Variants in RAB9A observed in about 807,000 individuals in gnomAD.
The protein encoded by RAB9A is ras-related protein Rab-9A.
Under a neutral mutation model 10.3 loss-of-function variants are expected in RAB9A, and 1 was observed. The observed-to-expected ratio is 0.10, with a 90% CI of 0.03 to 0.46. RAB9A has a LOEUF of 0.46. RAB9A is among the 20% of genes least tolerant of loss of function. RAB9A has a pLI of 0.96. For synonymous variants in RAB9A, 39 were observed against 55.2 expected, an observed-to-expected ratio of 0.71 and a Z score of 1.30; for missense variants, 92 against 150.3, an observed-to-expected ratio of 0.61 and a Z score of 2.03.
intron 1 of RAB9A, among the ~76,000 whole-genome samples, chrX:13,693,090 G>A (rs1665277249): frequency 1.8e-5 from 2 of 112,335 alleles, no homozygotes; most frequent in Admixed American, 1.9e-4. Flanking sequence ...AAATGAGATG[G>A]CTGTGCTTCA....
At chrX:13,695,627 A>T (rs2046144299) in intron 1 of RAB9A, among the ~76,000 whole-genome samples, 1 of 112,068 alleles carries the variant, frequency 8.9e-6, no homozygotes, top group Non-Finnish European at 1.9e-5. Context: ...GAGAAAAGAA[A>T]GAGATTTTCG....
intron 1 of RAB9A, among the ~76,000 whole-genome samples, chrX:13,696,327 T>C (rs1202307630): frequency 1.8e-5 from 2 of 108,502 alleles, no homozygotes; most frequent in Non-Finnish European, 3.8e-5. Context: ...GAGGCTGAAA[T>C]GGGAGGATCA....
chrX:13,690,095 A>T (rs1283347603), intron 1 of RAB9A, among the ~76,000 whole-genome samples: 1 of 110,756 alleles, frequency 9.0e-6, no homozygotes, highest in Non-Finnish European at 1.9e-5. Flanking sequence ...TCCTGATAAA[A>T]ATCAATGGGC....
intron 1 of RAB9A, among the ~76,000 whole-genome samples, chrX:13,700,156 C>T (rs908412633): frequency 9.0e-6 from 1 of 111,569 alleles, no homozygotes; most frequent in African/African-American, 3.3e-5. Flanking sequence ...ACCATGTTGC[C>T]CAGGCTGGTT....
rs982129836 is a variant in RAB9A at position 13,689,738 on chromosome X, G to A, written c.-116+450G>A. 4.5e-5 allele frequency among the ~76,000 whole-genome samples: 5 copies of A among 111,594 alleles called. No individual in the cohort carries two copies. In the East Asian group the frequency reaches 1.1e-3, roughly 25 times the overall value. The stretch of plus-strand genomic sequence containing the variant: ...TGACTTGATTTTGGCGACCTCTGAA[G>A]TTCCACCTAGCAGAACGTGTTTGCT... On this transcript the variant is annotated intron_variant, in intron 1 of 2. Transcript: ENST00000464506.
At chrX:13,690,656 G>T (rs1224407152) in intron 1 of RAB9A, among the ~76,000 whole-genome samples, 1 of 111,715 alleles carries the variant, frequency 9.0e-6, no homozygotes, top group Non-Finnish European at 1.9e-5. Flanking sequence ...GTACTCTGGA[G>T]GCCTAAAGAG....
At chrX:13,706,183 A>G (rs942904607) in intron 2 of RAB9A, among the ~76,000 whole-genome samples, 1 of 112,191 alleles carries the variant, frequency 8.9e-6, no homozygotes, top group Non-Finnish European at 1.9e-5. Flanking sequence ...GAATTAAAGC[A>G]GCCAATTTAG....
At chrX:13,698,181 CTTTTTTTTCT>C (rs1220879308) in intron 1 of RAB9A, among the ~76,000 whole-genome samples, 21 of 76,777 alleles carry the variant, frequency 2.7e-4, no homozygotes, top group Admixed American at 1.9e-3. Flanking sequence ...TCTTCTTTTT[CTTTTTTTTCT>C]TTTTTTTTTT....
At chrX:13,703,651 G>C (rs772653771) in intron 1 of RAB9A, 163 bp from the exon 2 acceptor site, 1 of 111,705 alleles carries the variant, frequency 9.0e-6, no homozygotes, top group African/African-American at 3.3e-5. Context: ...CATTGAATTT[G>C]ATCTGTAGGA....
intron 1 of RAB9A, among the ~76,000 whole-genome samples, chrX:13,702,633 G>T (rs2046179390): frequency 1.8e-5 from 2 of 112,078 alleles, no homozygotes; most frequent in Non-Finnish European, 3.8e-5. Context: ...TAGTGGCATG[G>T]GGAATCTGAG....
At chrX:13,707,559 G>C (rs2046203363) in intron 2 of RAB9A, among the ~76,000 whole-genome samples, 2 of 111,931 alleles carry the variant, frequency 1.8e-5, no homozygotes, top group Non-Finnish European at 3.8e-5. Context: ...ACGGGCATCT[G>C]AAATCTCACC....
intron 2 of RAB9A, among the ~76,000 whole-genome samples, chrX:13,708,173 AAT>A (rs1236754581): frequency 1.8e-5 from 2 of 110,323 alleles, no homozygotes; most frequent in African/African-American, 6.6e-5. Context: ...AAAATAGAAA[AAT>A]TAGCAAGGCA....
chrX:13,703,324 G>A (rs1477982318), intron 1 of RAB9A, among the ~76,000 whole-genome samples: 1 of 112,027 alleles, frequency 8.9e-6, no homozygotes, highest in Non-Finnish European at 1.9e-5. Context: ...ACCTCTCTGA[G>A]TCAGTATCGT....
chrX:13,708,921 C>A lies in RAB9A; in HGVS notation c.175C>A (p.Gln59Lys). The A allele has an allele frequency of 8.3e-7, 1 of 1,211,247 alleles. No individual in the cohort carries two copies. The highest frequency in any genetic ancestry group is 1.1e-6 in the Non-Finnish European group (1 of 895,228). ...LEVDGHFVTM[Q>K]IWDTAGQERF... The stretch of plus-strand genomic sequence containing the variant: ...AGTGGATGGACATTTTGTTACCATG[C>A]AGATTTGGGACACGGCAGGTCAGGA... Residue 59 changes from glutamine (Q) to lysine (K), a missense_variant, in exon 3 of 3, where the codon CAG becomes AAG. By Grantham distance (53) the Gln-to-Lys change is moderately conservative. Transcript: ENST00000464506.
intron 1 of RAB9A, among the ~76,000 whole-genome samples, chrX:13,689,830 T>C (rs1387791401): frequency 2.7e-5 from 3 of 111,964 alleles, no homozygotes; most frequent in Non-Finnish European, 5.6e-5. Context: ...CTGCAGGCGT[T>C]TTGGGGGCAT....
intron 1 of RAB9A, among the ~76,000 whole-genome samples, chrX:13,698,810 A>G (rs1354791937): frequency 9.0e-6 from 1 of 111,444 alleles, no homozygotes; most frequent in Non-Finnish European, 1.9e-5. Flanking sequence ...ATACAGCTCC[A>G]GCAAAAATAG....
At chrX:13,700,029 A>G (rs888272071) in intron 1 of RAB9A, among the ~76,000 whole-genome samples, 3 of 110,783 alleles carry the variant, frequency 2.7e-5, no homozygotes, top group Non-Finnish European at 5.7e-5. Flanking sequence ...ATCTCGGCTC[A>G]CTGCAACCTC....
At chrX:13,705,900 G>C (rs907726692) in intron 2 of RAB9A, among the ~76,000 whole-genome samples, 14 of 111,056 alleles carry the variant, frequency 1.3e-4, no homozygotes, top group African/African-American at 4.6e-4. Flanking sequence ...GGTGTGCTGA[G>C]TGAGTGGAAT....
At chrX:13,695,588 T>C (rs139629887) in intron 1 of RAB9A, among the ~76,000 whole-genome samples, 74 of 112,554 alleles carry the variant, frequency 6.6e-4, no homozygotes, top group Non-Finnish European at 8.8e-4. Context: ...AGTGGACATA[T>C]TTCATGTGTG....
Sources: gnomAD v4.1 joint callset for allele counts (sites outside exome capture counted in the v4.1 genomes callset) on GRCh38, gnomAD v4.1.1 for gene constraint, MANE v1.5 for transcripts, NCBI Gene and HGNC (gene_info 2026-07-23, HGNC 2026-07-21) for gene names.